Variants in PACRG observed in about 807,000 individuals in gnomAD.
PACRG encodes the protein parkin coregulated, also known as parkin coregulated gene protein.
In PACRG, 29 loss-of-function variants were observed where a neutral mutation model predicts 29.7. That is an observed-to-expected ratio of 0.98 (90% CI 0.73 to 1.33). PACRG has a LOEUF of 1.33. Ranked by LOEUF, PACRG falls within the 40% of genes most tolerant of loss-of-function variation. The pLI, the probability that PACRG is intolerant of heterozygous loss-of-function variation, is 0.00. For missense variants in PACRG, 279 were observed against 316.2 expected (o/e 0.88, Z 0.89); for synonymous variants, 116 against 118.7 (o/e 0.98, Z 0.15).
chr6:163,165,419 C>A (rs901918258), intron 4 of PACRG: 1 of 152,306 alleles, frequency 6.6e-6, no homozygotes, highest in African/African-American at 2.4e-5. Context: ...CGCACCAAAT[C>A]TCAGTGAGGA....
At chr6:163,243,427 C>G (rs1299138273) in intron 4 of PACRG, among the ~76,000 whole-genome samples, 1 of 152,218 alleles carries the variant, frequency 6.6e-6, no homozygotes, top group African/African-American at 2.4e-5. Context: ...TGCCTGCACC[C>G]CCAACAAGCT....
intron 4 of PACRG, among the ~76,000 whole-genome samples, chr6:163,144,333 TACAC>T (rs1562937732): frequency 9.2e-6 from 1 of 109,042 alleles, no homozygotes; most frequent in Non-Finnish European, 1.8e-5. Flanking sequence ...GCAACACACA[TACAC>T]ACACATACAT....
At chr6:163,304,433 T>C (rs1785120188) in intron 4 of PACRG, among the ~76,000 whole-genome samples, 1 of 152,196 alleles carries the variant, frequency 6.6e-6, no homozygotes, top group Admixed American at 6.5e-5. Flanking sequence ...CAATTTGAAT[T>C]TGATGCCCAC....
intron 2 of PACRG, among the ~76,000 whole-genome samples, chr6:162,943,536 G>A (rs920030644): frequency 3.9e-5 from 6 of 152,164 alleles, no homozygotes; most frequent in Non-Finnish European, 8.8e-5. Flanking sequence ...CCGCAGTGCA[G>A]CCGCTGGTTC....
chr6:162,790,827 A>T (rs1784874811), intron 1 of PACRG, among the ~76,000 whole-genome samples: 1 of 152,190 alleles, frequency 6.6e-6, no homozygotes, highest in Non-Finnish European at 1.5e-5. Context: ...CTAAAGCCGG[A>T]AGATAACTGA....
intron 2 of PACRG, among the ~76,000 whole-genome samples, chr6:162,832,535 G>A (rs1178033913): frequency 1.3e-5 from 2 of 152,154 alleles, no homozygotes; most frequent in African/African-American, 4.8e-5. Flanking sequence ...TTGATGTTTA[G>A]CTTTTGTTAG....
chr6:163,247,976 G>A (rs140365399), intron 4 of PACRG, among the ~76,000 whole-genome samples: 7 of 152,264 alleles, frequency 4.6e-5, no homozygotes, highest in Admixed American at 2.0e-4. Flanking sequence ...GCATGTTGAC[G>A]AAGTATATAA....
chr6:162,760,924 C>G (rs1371393811), intron 1 of PACRG, among the ~76,000 whole-genome samples: 3 of 152,126 alleles, frequency 2.0e-5, no homozygotes, highest in African/African-American at 7.2e-5. Flanking sequence ...TGAGGGTTGT[C>G]ATAGTGGAGA....
intron 3 of PACRG, among the ~76,000 whole-genome samples, chr6:163,067,229 C>T (rs1464911812): frequency 6.6e-6 from 1 of 152,202 alleles, no homozygotes; most frequent in South Asian, 2.1e-4. Flanking sequence ...ACCTGAGATG[C>T]TGCATCTCTG....
At chr6:163,234,954 C>T (rs191870727) in intron 4 of PACRG, among the ~76,000 whole-genome samples, 6 of 152,100 alleles carry the variant, frequency 3.9e-5, no homozygotes, top group Admixed American at 3.3e-4. Flanking sequence ...ATGTTGGTAA[C>T]GTTTTGGGTT....
intron 2 of PACRG, among the ~76,000 whole-genome samples, chr6:162,944,503 A>G (rs1185720866): frequency 6.6e-6 from 1 of 152,212 alleles, no homozygotes; most frequent in Non-Finnish European, 1.5e-5. Context: ...TCCTGGGAAA[A>G]GAATTTAAAA....
chr6:163,128,827 T>C (rs1816617646), intron 4 of PACRG, among the ~76,000 whole-genome samples: 1 of 152,216 alleles, frequency 6.6e-6, no homozygotes, highest in Non-Finnish European at 1.5e-5. Flanking sequence ...CTATTTTTGC[T>C]CCATATCATC....
At chr6:162,901,879 C>T (rs1478464307) in intron 2 of PACRG, among the ~76,000 whole-genome samples, 2 of 152,200 alleles carry the variant, frequency 1.3e-5, no homozygotes, top group Non-Finnish European at 2.9e-5. Context: ...GCCACAATGG[C>T]AGGATCGCTA....
chr6:163,060,922 T>C (rs945365762), intron 2 of PACRG: 3 of 151,654 alleles, frequency 2.0e-5, no homozygotes, highest in African/African-American at 7.3e-5. Flanking sequence ...TTTTATCCCA[T>C]AAATATATAT....
At chr6:162,971,352 G>C (rs553273921) in intron 2 of PACRG, among the ~76,000 whole-genome samples, 1 of 152,324 alleles carries the variant, frequency 6.6e-6, no homozygotes, top group East Asian at 1.9e-4. Flanking sequence ...CACGAAGTCA[G>C]TTTTTATAGA....
At position 163,144,007 on chromosome 6, in the gene PACRG, G is replaced by C. The variant is rs186103090; in HGVS notation, c.613+54599G>C. On this transcript the variant is annotated intron_variant, in intron 4 of 4. Coordinates refer to ENST00000366888, the MANE Select transcript of PACRG (RefSeq NM_001080379.2). Reference sequence around the variant, plus strand: ...CCTAGCACTTTGGGAGGCCGAGGTGGGTCCTGAGGTCAGGAGTTTGAGACC... The same window carrying C: ...CCTAGCACTTTGGGAGGCCGAGGTGCGTCCTGAGGTCAGGAGTTTGAGACC... 8.7e-4 allele frequency among the ~76,000 whole-genome samples: 133 copies of C among 152,006 alleles called. 1 individual carries two copies. The highest frequency in any genetic ancestry group is 4.8e-3 in the South Asian group (23 of 4,778).
At chr6:163,010,726 C>T (rs117265044) in intron 2 of PACRG, among the ~76,000 whole-genome samples, 4,794 of 152,274 alleles carry the variant, frequency 0.031, 116 homozygotes, top group Non-Finnish European at 0.05. Flanking sequence ...GGTCACTCAA[C>T]GAGAAACACT....
At chr6:162,771,730 T>G (rs2128303187) in intron 1 of PACRG, among the ~76,000 whole-genome samples, 1 of 152,250 alleles carries the variant, frequency 6.6e-6, no homozygotes, top group African/African-American at 2.4e-5. Context: ...AAAAATAGAG[T>G]AATTTTCTTT....
intron 1 of PACRG, among the ~76,000 whole-genome samples, chr6:162,779,339 G>A (rs183281964): frequency 2.6e-4 from 39 of 152,246 alleles, no homozygotes; most frequent in Non-Finnish European, 4.6e-4. Context: ...TATTTTAAAA[G>A]AAAATATTTC....
Sources: allele counts gnomAD v4.1 joint callset (sites outside exome capture counted in the v4.1 genomes callset), GRCh38; gene constraint gnomAD v4.1.1; transcripts MANE v1.5; gene names NCBI Gene and HGNC (gene_info 2026-07-23, HGNC 2026-07-21).